Variants in C20orf204 observed in about 807,000 individuals in gnomAD.
C20orf204 encodes uncharacterized protein C20orf204.
C20orf204 carries 6 observed loss-of-function variants against 3.6 expected under a neutral mutation model. The ratio of observed to expected loss-of-function variants is 1.68; its 90% CI spans 0.92 to 3.31. The LOEUF is 3.31. C20orf204 is among the 30% of genes most tolerant of loss of function. C20orf204 has a pLI of 0.00. For missense variants in C20orf204, 167 were observed against 89.7 expected (o/e 1.86, Z -3.48); for synonymous variants, 80 against 41.4 (o/e 1.93, Z -3.58).
chr20:64,036,430 G>A (rs773619205), intron 1 of C20orf204, 104 bp downstream of exon 1: 3 of 152,444 alleles, frequency 2.0e-5, no homozygotes, highest in Non-Finnish European at 2.9e-5. Flanking sequence ...AGCCCCACCA[G>A]GAAATCTCCG....
At position 64,038,666 on chromosome 20, in the gene C20orf204, C is replaced by T. The variant is rs1251905284; in HGVS notation, c.477C>T (p.Gly159=). 1 of 641,986 alleles carries T rather than the reference C, an allele frequency of 1.6e-6. No homozygotes were observed. Among genetic ancestry groups the T allele is most frequent in the African/African-American group, 1.9e-5 (1 of 52,226 alleles). The allele number at this position is 641,986 out of a possible 1,614,324, so 39.8% of individuals were successfully genotyped here. A position where few individuals can be genotyped will look rare whatever the true frequency, so the allele number is the denominator to read the frequency against. ...TGCGCCCTGCCCGGCGTCGCGGCGG[C>T]CGAAGGCAGCTCCTGCTGCGCGCCC... ...PKMRPARRRG[G]RRQLLLRALD... is the part of the protein sequence containing the mutation. The change falls in exon 4 of 4, where the codon GGC becomes GGT. Residue 159 remains glycine (G), a synonymous_variant. Transcript: ENST00000636176.
chr20:64,038,451 G>T lies in C20orf204; in HGVS notation c.432+3G>T. The T allele has an allele frequency of 1.3e-6, 1 of 755,640 alleles. No individual in the cohort carries two copies. The highest frequency in any genetic ancestry group is 2.4e-6 in the Non-Finnish European group (1 of 408,656). The allele number at this position is 755,640 out of a possible 1,614,324, so 46.8% of individuals were successfully genotyped here. A position where few individuals can be genotyped will look rare whatever the true frequency, so the allele number is the denominator to read the frequency against. On this transcript the variant is annotated splice_donor_region_variant and intron_variant, in intron 3 of 3. Coordinates refer to ENST00000636176, the MANE Select transcript of C20orf204 (RefSeq NM_001387010.1). ...GCCACTGCAGGACGCTGCGCCAGGT[G>T]TGCGTCCCTGAGTGCACCCAGAGCC...
Position 64,038,457 on chromosome 20 carries a change from C to T in C20orf204, c.432+9C>T. The T allele has an allele frequency of 1.3e-6, 1 of 748,582 alleles. No homozygotes were observed. The highest frequency in any genetic ancestry group is 2.5e-6 in the Non-Finnish European group (1 of 405,992). 46.4% of individuals were successfully genotyped at this position (748,582 alleles called of 1,614,324 possible). A position where few individuals can be genotyped will look rare whatever the true frequency, so the allele number is the denominator to read the frequency against. Reference sequence around the variant, plus strand: ...GCAGGACGCTGCGCCAGGTGTGCGTCCCTGAGTGCACCCAGAGCCAGACCT... The same window carrying T: ...GCAGGACGCTGCGCCAGGTGTGCGTTCCTGAGTGCACCCAGAGCCAGACCT... On this transcript the variant is annotated intron_variant, in intron 3 of 3. Coordinates refer to ENST00000636176, the MANE Select transcript of C20orf204 (RefSeq NM_001387010.1).
rs1030681655 is a variant in C20orf204, at chr20:64,038,859, C to A, written c.*100C>A. The stretch of plus-strand genomic sequence containing the variant: ...TGTAGACTTGTTGGTGACCTCGGCC[C>A]CTCGCTCGACGCAGCCCGCGCTCCC... On this transcript the variant is annotated 3_prime_UTR_variant, in exon 4 of 4. Transcript: ENST00000636176. 6 of 726,906 alleles carry A rather than the reference C, an allele frequency of 8.3e-6. No individual in the cohort carries two copies. The highest frequency in any genetic ancestry group is 1.3e-5 in the Non-Finnish European group (5 of 391,994). 45.0% of individuals were successfully genotyped at this position (726,906 alleles called of 1,614,324 possible).
In C20orf204 at chr20:64,038,412, G is replaced by A. The variant is rs2059346784; in HGVS notation, c.396G>A (p.Glu132=). 1.3e-6 allele frequency: 1 copy of A among 770,550 alleles called. No homozygotes were observed. The highest frequency in any genetic ancestry group is 2.4e-6 in the Non-Finnish European group (1 of 414,998). The allele number at this position is 770,550 out of a possible 1,614,324, so 47.7% of individuals were successfully genotyped here. ...RAAWTVAVRT[E]AVMRRHCRTL... ...CTTGGACCGTGGCTGTGCGCACCGAGGCGGTGATGCGGCGCCACTGCAGGA... is the reference window on the plus strand; with the variant it reads ...CTTGGACCGTGGCTGTGCGCACCGAAGCGGTGATGCGGCGCCACTGCAGGA... The change falls in exon 3 of 4, where the codon GAG becomes GAA. Residue 132 remains glutamate, a synonymous_variant. Coordinates refer to ENST00000636176, the MANE Select transcript of C20orf204 (RefSeq NM_001387010.1).
At chr20:64,034,036 G>C (rs538583155), upstream of C20orf204, among the ~76,000 whole-genome samples, 1 of 152,314 alleles carries the variant, frequency 6.6e-6, no homozygotes, top group South Asian at 2.1e-4. Flanking sequence ...TGTAGGCCGG[G>C]GCTAGAGACA....
intron 3 of C20orf204, 63 bp downstream of exon 3, chr20:64,038,511 T>G (rs1301934778): frequency 1.8e-5 from 11 of 612,150 alleles, no homozygotes; most frequent in East Asian, 9.3e-5. Flanking sequence ...CCGCCGCGCG[T>G]CCCGGGGCTC....
rs2059342855 is a variant in C20orf204, at chr20:64,037,726, C to T, written c.4-201C>T. Reference sequence around the variant, plus strand: ...AGAACTGTCTGGTTTGCAGACCTATCTCTTGTGTCTCCTGATTTATCCCGC... The same window carrying T: ...AGAACTGTCTGGTTTGCAGACCTATTTCTTGTGTCTCCTGATTTATCCCGC... On this transcript the variant is annotated intron_variant, in intron 1 of 3. Transcript: ENST00000636176. The T allele has an allele frequency of 1.5e-5, 6 of 398,144 alleles. No individual in the cohort carries two copies. In the South Asian group the frequency reaches 8.1e-4, roughly 54 times the overall value. 24.7% of individuals were successfully genotyped at this position (398,144 alleles called of 1,614,324 possible). A position where few individuals can be genotyped will look rare whatever the true frequency, so the allele number is the denominator to read the frequency against.
upstream of C20orf204, chr20:64,034,801 G>C (rs1462054323): frequency 6.5e-6 from 1 of 153,846 alleles, no homozygotes; most frequent in Non-Finnish European, 1.4e-5. Context: ...TGTGGAAACC[G>C]AGGCCCAGGA....
At chr20:64,035,201 A>G (rs1392255801), upstream of C20orf204, 1 of 152,260 alleles carries the variant, frequency 6.6e-6, no homozygotes, top group Non-Finnish European at 1.5e-5. Flanking sequence ...CAAACATTAA[A>G]GAGTGCATTT....
upstream of C20orf204, chr20:64,035,712 A>T (rs955713300): frequency 3.3e-5 from 5 of 152,294 alleles, no homozygotes; most frequent in Admixed American, 3.3e-4. Flanking sequence ...CCGGGCCAGC[A>T]GCGGGGGCCC....
rs868379548 is a variant in C20orf204, at chr20:64,037,933, C to G, written c.10C>G (p.Pro4Ala). The change falls in exon 2 of 4, where the codon CCT (proline) becomes GCT (alanine). Residue 4 changes from proline (P) to alanine (A), a missense_variant. Coordinates refer to ENST00000636176, the MANE Select transcript of C20orf204 (RefSeq NM_001387010.1). The part of the protein sequence containing the change: MVP[P>A]KPALWALLLA... ...AACCTGCTGTCTCCTCCAGGTACCC[C>G]CTAAGCCTGCACTCTGGGCGCTCCT... is the stretch of plus-strand genomic sequence containing the variant. The G allele has an allele frequency of 6.3e-6, 3 of 475,758 alleles. No individual in the cohort carries two copies. The highest frequency in any genetic ancestry group is 3.7e-5 in the South Asian group (1 of 26,770). 29.5% of individuals were successfully genotyped at this position (475,758 alleles called of 1,614,324 possible).
Position 64,038,220 on chromosome 20 carries a change from C to G in C20orf204, c.279+18C>G. ...CCCAGAAGGTATGGAGGAGGCGCCC[C>G]TACCCAAGCTCGCCGGCCTGCTCCT... is the stretch of plus-strand genomic sequence containing the variant. On this transcript the variant is annotated intron_variant, in intron 2 of 3. Transcript: ENST00000636176. 1.4e-6 allele frequency: 1 copy of G among 720,128 alleles called. No homozygotes were observed. The highest frequency in any genetic ancestry group is 2.6e-6 in the Non-Finnish European group (1 of 389,796). 44.6% of individuals were successfully genotyped at this position (720,128 alleles called of 1,614,324 possible). A position where few individuals can be genotyped will look rare whatever the true frequency, so the allele number is the denominator to read the frequency against.
At chr20:64,033,803 G>A (rs1480584298), upstream of C20orf204, among the ~76,000 whole-genome samples, 2 of 152,270 alleles carry the variant, frequency 1.3e-5, no homozygotes, top group South Asian at 2.1e-4. Context: ...CACCGCACCC[G>A]GCCGTGAGTT....
rs1484158196 is a variant in C20orf204, at chr20:64,036,236, G to A, written c.-88G>A. On this transcript the variant is annotated 5_prime_UTR_variant, in exon 1 of 4. Coordinates refer to ENST00000636176, the MANE Select transcript of C20orf204 (RefSeq NM_001387010.1). ...GCGGTTGGCTGGTGTTGGACCTGGT[G>A]CGGCAGTGCACACCCTGCCCAAGGA... The A allele has an allele frequency of 6.5e-6, 1 of 152,692 alleles. No homozygotes were observed. 9.5% of individuals were successfully genotyped at this position (152,692 alleles called of 1,614,324 possible). A position where few individuals can be genotyped will look rare whatever the true frequency, so the allele number is the denominator to read the frequency against.
upstream of C20orf204, among the ~76,000 whole-genome samples, chr20:64,033,727 A>G (rs563828007): frequency 2.0e-5 from 3 of 152,314 alleles, no homozygotes; most frequent in South Asian, 2.1e-4. Context: ...GCCCGCTGCC[A>G]AACTCCTGAC....
At position 64,038,434 on chromosome 20, in the gene C20orf204, A is replaced by T. The variant is rs1206716983; in HGVS notation, c.418A>T (p.Arg140Trp). ...CGAGGCGGTGATGCGGCGCCACTGCAGGACGCTGCGCCAGGTGTGCGTCCC... is the reference window on the plus strand; with the variant it reads ...CGAGGCGGTGATGCGGCGCCACTGCTGGACGCTGCGCCAGGTGTGCGTCCC... ...RTEAVMRRHCRTLRQRSRRPK... is the reference protein window; with the variant it reads ...RTEAVMRRHCWTLRQRSRRPK... The change falls in exon 3 of 4, where the codon AGG (arginine) becomes TGG (tryptophan). Residue 140 changes from arginine (R) to tryptophan (W), a missense_variant. By Grantham distance (101) the Arg-to-Trp change is moderately radical (BLOSUM62 -3). Coordinates refer to ENST00000636176, the MANE Select transcript of C20orf204 (RefSeq NM_001387010.1). 7.8e-6 allele frequency: 6 copies of T among 766,466 alleles called. No individual in the cohort carries two copies. In the Admixed American group the frequency reaches 1.0e-4, roughly 13 times the overall value. The allele number at this position is 766,466 out of a possible 1,614,324, so 47.5% of individuals were successfully genotyped here.
intron 3 of C20orf204, 46 bp downstream of exon 3, chr20:64,038,494 C>T: frequency 1.6e-6 from 1 of 644,328 alleles, no homozygotes. Context: ...CCTTAACCCC[C>T]ACAGGGCCGC....
At position 64,038,819 on chromosome 20, in the gene C20orf204, A is replaced by G. The variant is rs1420370763; in HGVS notation, c.*60A>G. The G allele has an allele frequency of 4.3e-6, 3 of 703,818 alleles. No individual in the cohort carries two copies. The highest frequency in any genetic ancestry group is 7.9e-6 in the Non-Finnish European group (3 of 379,354). The allele number at this position is 703,818 out of a possible 1,614,324, so 43.6% of individuals were successfully genotyped here. On this transcript the variant is annotated 3_prime_UTR_variant, in exon 4 of 4. Transcript: ENST00000636176. The stretch of plus-strand genomic sequence containing the variant: ...CCAGCGGGGCCGCGGCAGAGCCTGG[A>G]GACGCGCCTCGTTCTGTAGACTTGT...
Sources: allele counts gnomAD v4.1 joint callset (sites outside exome capture counted in the v4.1 genomes callset), GRCh38; gene constraint gnomAD v4.1.1; transcripts MANE v1.5; gene names NCBI Gene and HGNC (gene_info 2026-07-23, HGNC 2026-07-21).